CACNB2: variants seen among roughly 807,000 people sequenced by gnomAD.
CACNB2 encodes calcium voltage-gated channel auxiliary subunit beta 2.
CACNB2 carries 42 observed loss-of-function variants against 73.3 expected under a neutral mutation model. That is an observed-to-expected ratio of 0.57 (90% CI 0.45 to 0.74). CACNB2 has a LOEUF of 0.74. CACNB2 is among the 30% of genes least tolerant of loss of function. The pLI is 0.00. For synonymous variants in CACNB2, 348 were observed against 310.3 expected, an observed-to-expected ratio of 1.12 and a Z score of -1.28; for missense variants, 940 against 853.0, an observed-to-expected ratio of 1.10 and a Z score of -1.27.
intron 3 of CACNB2, among the ~76,000 whole-genome samples, chr10:18,491,591 A>G (rs956487463): frequency 8.5e-5 from 13 of 152,170 alleles, no homozygotes; most frequent in African/African-American, 2.2e-4. Context: ...GTCTGGGGGA[A>G]AAACAATCTG....
At chr10:18,283,322 A>G (rs1343548714) in intron 2 of CACNB2, among the ~76,000 whole-genome samples, 3 of 152,354 alleles carry the variant, frequency 2.0e-5, no homozygotes, top group South Asian at 2.1e-4. Flanking sequence ...ATTACTGGGT[A>G]TATACCCAAA....
chr10:18,521,282 G>A (rs749806163), intron 9 of CACNB2, among the ~76,000 whole-genome samples: 6 of 152,214 alleles, frequency 3.9e-5, no homozygotes, highest in Non-Finnish European at 5.9e-5. Flanking sequence ...TCCACACCTG[G>A]AAGAATTTTT....
chr10:18,202,665 T>A (rs1287404797), intron 2 of CACNB2, among the ~76,000 whole-genome samples: 1 of 152,246 alleles, frequency 6.6e-6, no homozygotes, highest in East Asian at 1.9e-4. Context: ...CCCAATGGCA[T>A]GAATTGAAAA....
At chr10:18,217,650 T>A (rs968073219) in intron 2 of CACNB2, among the ~76,000 whole-genome samples, 2 of 151,460 alleles carry the variant, frequency 1.3e-5, no homozygotes, top group African/African-American at 4.9e-5. Flanking sequence ...AGAGTGACAT[T>A]TGAGCAAAAC....
intron 3 of CACNB2, among the ~76,000 whole-genome samples, chr10:18,453,468 A>G: frequency 6.6e-6 from 1 of 151,978 alleles, no homozygotes. Context: ...TGAGGCTTGG[A>G]ATCTCTCCCC....
intron 2 of CACNB2, among the ~76,000 whole-genome samples, chr10:18,164,676 G>A (rs1487699633): frequency 1.3e-5 from 2 of 151,864 alleles, no homozygotes; most frequent in South Asian, 2.1e-4. Flanking sequence ...TAGATTACAC[G>A]TAGCCTGATT....
intron 3 of CACNB2, among the ~76,000 whole-genome samples, chr10:18,468,476 A>G (rs2048016306): frequency 6.6e-6 from 1 of 152,208 alleles, no homozygotes; most frequent in African/African-American, 2.4e-5. Flanking sequence ...CAGTAAAAAC[A>G]AAACAAACAG....
At chr10:18,287,790 C>T (rs921355483) in intron 2 of CACNB2, among the ~76,000 whole-genome samples, 4 of 152,154 alleles carry the variant, frequency 2.6e-5, no homozygotes, top group African/African-American at 9.7e-5. Flanking sequence ...TTTGAGGCTG[C>T]ACTGAGCTAT....
chr10:18,429,674 A>AC (rs1239816278), intron 3 of CACNB2, among the ~76,000 whole-genome samples: 1 of 139,722 alleles, frequency 7.2e-6, no homozygotes, highest in African/African-American at 2.6e-5. Flanking sequence ...CAAAAAAAAA[A>AC]AAAAAAACCA....
chr10:18,191,717 G>T (rs561895683), intron 2 of CACNB2, among the ~76,000 whole-genome samples: 1 of 152,040 alleles, frequency 6.6e-6, no homozygotes, highest in Non-Finnish European at 1.5e-5. Context: ...GAGTTACTTC[G>T]CTGAGAATAA....
intron 2 of CACNB2, among the ~76,000 whole-genome samples, chr10:18,207,285 A>T (rs2035134912): frequency 6.6e-6 from 1 of 152,186 alleles, no homozygotes; most frequent in African/African-American, 2.4e-5. Flanking sequence ...CTGGGATTAC[A>T]GGCATGACCT....
intron 2 of CACNB2, among the ~76,000 whole-genome samples, chr10:18,203,647 C>T (rs2034977842): frequency 1.3e-5 from 2 of 151,972 alleles, no homozygotes; most frequent in Non-Finnish European, 2.9e-5. Context: ...GGCGAGTGAT[C>T]GTTGATTATT....
chr10:18,414,166 C>T (rs2044798549), intron 3 of CACNB2, among the ~76,000 whole-genome samples: 1 of 152,230 alleles, frequency 6.6e-6, no homozygotes, highest in South Asian at 2.1e-4. Context: ...GTTGCATCCC[C>T]ACCCATCCCA....
At chr10:18,398,955 G>A (rs932930959) in intron 2 of CACNB2, among the ~76,000 whole-genome samples, 1 of 152,096 alleles carries the variant, frequency 6.6e-6, no homozygotes, top group Admixed American at 6.6e-5. Context: ...TATTAGCAAA[G>A]GACTTTTTAT....
chr10:18,491,609 T>A (rs1380722910), intron 3 of CACNB2, among the ~76,000 whole-genome samples: 3 of 151,876 alleles, frequency 2.0e-5, no homozygotes, highest in Non-Finnish European at 4.4e-5. Flanking sequence ...CTGGTAGGCT[T>A]CCAGACCAAA....
intron 2 of CACNB2, among the ~76,000 whole-genome samples, chr10:18,158,423 A>C (rs891439794): frequency 2.0e-5 from 3 of 152,238 alleles, no homozygotes; most frequent in Non-Finnish European, 4.4e-5. Context: ...AAGAGATTCA[A>C]TACATAAAGC....
intron 2 of CACNB2, among the ~76,000 whole-genome samples, chr10:18,223,987 G>T (rs1019213457): frequency 5.6e-5 from 3 of 53,604 alleles, no homozygotes; most frequent in African/African-American, 2.8e-4. Flanking sequence ...AAACTAAGGG[G>T]TCTATTTTTT....
intron 3 of CACNB2, among the ~76,000 whole-genome samples, chr10:18,479,723 C>G (rs2048626754): frequency 6.6e-6 from 1 of 152,172 alleles, no homozygotes. Context: ...CTCGCTCTCA[C>G]TCTCTCTTGC....
At chr10:18,515,550 C>G (rs2051190782) in intron 7 of CACNB2, among the ~76,000 whole-genome samples, 1 of 152,228 alleles carries the variant, frequency 6.6e-6, no homozygotes, top group Admixed American at 6.5e-5. Flanking sequence ...AATGAGGTGT[C>G]AGATACAGAA....
Sources: gnomAD v4.1 joint callset for allele counts (sites outside exome capture counted in the v4.1 genomes callset) on GRCh38, gnomAD v4.1.1 for gene constraint, MANE v1.5 for transcripts, NCBI Gene and HGNC (gene_info 2026-07-23, HGNC 2026-07-21) for gene names.